The following EDN1 variants were observed in gnomAD, a reference collection of about 807,000 sequenced individuals.
EDN1 encodes the protein endothelin 1.
A neutral mutation model predicts 21.7 loss-of-function variants in EDN1; 11 were observed. The ratio of observed to expected loss-of-function variants is 0.51; its 90% CI spans 0.32 to 0.84. EDN1 has a LOEUF of 0.84. Ranked by LOEUF, EDN1 falls within the 40% of genes least tolerant of loss-of-function variation. The pLI is 0.03. For synonymous variants in EDN1, 85 were observed against 90.6 expected (o/e 0.94, Z 0.35); for missense variants, 244 against 262.3 (o/e 0.93, Z 0.48).
At chr6:12,268,351 T>C in the EDN1 span, among the ~76,000 whole-genome samples, 762 of 152,340 alleles carry the variant, frequency 5.0e-3, 6 homozygotes, top group African/African-American at 0.018. Flanking sequence ...TACTTTTTCT[T>C]TTGTTGCCTA....
At chr6:12,266,817 G>A in the EDN1 span, among the ~76,000 whole-genome samples, 2 of 152,152 alleles carry the variant, frequency 1.3e-5, no homozygotes, top group African/African-American at 4.8e-5. Context: ...GGCTGGAGTA[G>A]AATTTTTCTG....
the EDN1 span, among the ~76,000 whole-genome samples, chr6:12,247,524 T>TTTTTC: frequency 7.4e-6 from 1 of 134,764 alleles, no homozygotes; most frequent in South Asian, 2.3e-4. Flanking sequence ...TTCTTTTTTT[T>TTTTTC]TTTCTTTCTT....
At chr6:12,294,206 A>G (rs1762765356) in intron 3 of EDN1, 55 bp from the exon 4 acceptor site, 4 of 1,613,610 alleles carry the variant, frequency 2.5e-6, no homozygotes, top group Non-Finnish European at 2.5e-6. Context: ...ATTGAAAGTC[A>G]GGGTAAAGCT....
At chr6:12,263,679 A>C in the EDN1 span, among the ~76,000 whole-genome samples, 1 of 152,204 alleles carries the variant, frequency 6.6e-6, no homozygotes, top group African/African-American at 2.4e-5. Flanking sequence ...AGATCGTGGA[A>C]GAGAGGGTTA....
the EDN1 span, among the ~76,000 whole-genome samples, chr6:12,282,574 C>T: frequency 2.0e-5 from 3 of 152,216 alleles, no homozygotes; most frequent in African/African-American, 4.8e-5. Flanking sequence ...CTGATCCTTT[C>T]TCCTCTTCCT....
chr6:12,296,406 C>T lies in EDN1; in HGVS notation c.*339C>T, dbSNP rs1401235457. ...TTCCACACAGGGGTGGAGTTTCTGA[C>T]GAAGGTCCTAAGGGAGTGTTTGTGT... On this transcript the variant is annotated 3_prime_UTR_variant, in exon 5 of 5. Coordinates refer to ENST00000379375, the MANE Select transcript of EDN1 (RefSeq NM_001955.5). 1.4e-5 allele frequency: 4 copies of T among 286,764 alleles called. No homozygotes were observed. Among genetic ancestry groups the T allele is most frequent in the South Asian group, 4.1e-5 (1 of 24,634 alleles). 17.8% of individuals were successfully genotyped at this position (286,764 alleles called of 1,614,324 possible). A position where few individuals can be genotyped will look rare whatever the true frequency, so the allele number is the denominator to read the frequency against.
chr6:12,241,166 C>CTTTTTTTTTTTTTTTTTTTT, the EDN1 span, among the ~76,000 whole-genome samples: 4 of 138,358 alleles, frequency 2.9e-5, no homozygotes, highest in Non-Finnish European at 4.6e-5. Flanking sequence ...TTCTTTCTTT[C>CTTTTTTTTTTTTTTTTTTTT]TTTTTTTTTT....
At chr6:12,237,897 C>T in the EDN1 span, among the ~76,000 whole-genome samples, 9 of 152,100 alleles carry the variant, frequency 5.9e-5, no homozygotes, top group East Asian at 1.9e-4. Context: ...CCAGCGGGCG[C>T]GGTGGCTCAC....
chr6:12,243,800 G>A, the EDN1 span, among the ~76,000 whole-genome samples: 4 of 152,098 alleles, frequency 2.6e-5, no homozygotes, highest in South Asian at 2.1e-4. Context: ...ATAGTGATTC[G>A]AATTTAATTC....
chr6:12,238,920 A>G, the EDN1 span, among the ~76,000 whole-genome samples: 2 of 152,242 alleles, frequency 1.3e-5, no homozygotes, highest in Non-Finnish European at 2.9e-5. Context: ...ACTGACGCCA[A>G]TTGTTTGAAA....
chr6:12,232,492 C>T, the EDN1 span, among the ~76,000 whole-genome samples: 3 of 151,940 alleles, frequency 2.0e-5, no homozygotes, highest in African/African-American at 7.3e-5. Context: ...ACAAATGCAG[C>T]GCTCCCCCAA....
the EDN1 span, among the ~76,000 whole-genome samples, chr6:12,270,539 G>T: frequency 6.6e-6 from 1 of 151,728 alleles, no homozygotes; most frequent in East Asian, 1.9e-4. Flanking sequence ...TTGACCCATT[G>T]GTCTTTCTGG....
chr6:12,234,071 T>G, the EDN1 span, among the ~76,000 whole-genome samples: 1 of 152,222 alleles, frequency 6.6e-6, no homozygotes, highest in Non-Finnish European at 1.5e-5. Context: ...CACCTATACA[T>G]CTGTATCAGG....
At chr6:12,276,797 G>A in the EDN1 span, among the ~76,000 whole-genome samples, 2 of 152,360 alleles carry the variant, frequency 1.3e-5, no homozygotes, top group East Asian at 3.9e-4. Context: ...ACCAATGCCT[G>A]GGAGGCAGGG....
At chr6:12,254,410 GT>G in the EDN1 span, among the ~76,000 whole-genome samples, 2 of 152,102 alleles carry the variant, frequency 1.3e-5, no homozygotes, top group African/African-American at 4.8e-5. Context: ...TATTCTGAGT[GT>G]TCCAATAGAA....
chr6:12,270,622 C>G, the EDN1 span, among the ~76,000 whole-genome samples: 1 of 152,034 alleles, frequency 6.6e-6, no homozygotes, highest in Non-Finnish European at 1.5e-5. Context: ...TTTTCTTCCA[C>G]TGTGGTCTGA....
chr6:12,270,323 G>A, the EDN1 span, among the ~76,000 whole-genome samples: 2 of 151,642 alleles, frequency 1.3e-5, no homozygotes, highest in Admixed American at 6.6e-5. Context: ...ACCAATTTTG[G>A]CTTTGGTTTG....
At chr6:12,251,516 T>G in the EDN1 span, among the ~76,000 whole-genome samples, 3 of 152,216 alleles carry the variant, frequency 2.0e-5, no homozygotes, top group African/African-American at 7.2e-5. Flanking sequence ...AAGTGCATTT[T>G]ATATTTACTT....
upstream of EDN1, among the ~76,000 whole-genome samples, chr6:12,288,162 C>T (rs141189189): frequency 8.6e-5 from 13 of 151,636 alleles, no homozygotes; most frequent in Non-Finnish European, 1.9e-4. Flanking sequence ...AGGGCATGGG[C>T]GGTGGTTTCC....
Sources: gnomAD v4.1 joint callset for allele counts (sites outside exome capture counted in the v4.1 genomes callset) on GRCh38, gnomAD v4.1.1 for gene constraint, MANE v1.5 for transcripts, NCBI Gene and HGNC (gene_info 2026-07-23, HGNC 2026-07-21) for gene names.